Variants in TTN observed in about 807,000 individuals in gnomAD.
TTN encodes the protein connectin.
Under a neutral mutation model 3,223.0 loss-of-function variants are expected in TTN, and 1,525 were observed. That is an observed-to-expected ratio of 0.47 (90% CI 0.45 to 0.49). The LOEUF is 0.49. Among genes scored for constraint, TTN ranks in the 20% least tolerant of loss-of-function variants. The pLI is 0.00. For missense variants in TTN, 40,786 were observed against 43,424.0 expected (o/e 0.94, Z 5.40); for synonymous variants, 14,094 against 15,161.0 (o/e 0.93, Z 5.17).
chr2:178,722,308 A>G lies in TTN; in HGVS notation c.22479T>C (p.Ala7493=). Residue 7493 remains alanine (A), a synonymous_variant, in exon 77 of 363, where the codon GCT becomes GCC. Transcript: ENST00000589042. Reference sequence around the variant, plus strand: ...AAGATGCTGTTCCAAGTGGGTTGGAAGCTGAGCAAGAGTACTGGCCAGAGT... The same window carrying G: ...AAGATGCTGTTCCAAGTGGGTTGGAGGCTGAGCAAGAGTACTGGCCAGAGT... ...LSHSGQYSCS[A]SNPLGTASSS... is the part of the protein sequence containing the mutation. The G allele has an allele frequency of 6.2e-7, 1 of 1,611,304 alleles. No individual in the cohort carries two copies. The highest frequency in any genetic ancestry group is 1.1e-5 in the South Asian group (1 of 90,646).
chr2:178,751,311 C>G, intron 47 of TTN: 1 of 1,610,622 alleles, frequency 6.2e-7, no homozygotes, highest in Non-Finnish European at 8.5e-7. Flanking sequence ...ACTTTGGTCT[C>G]CTTGTCCAGG....
chr2:178,712,126 C>A lies in TTN; in HGVS notation c.27704G>T (p.Gly9235Val). 6.2e-7 allele frequency: 1 copy of A among 1,613,648 alleles called. No individual in the cohort carries two copies. The highest frequency in any genetic ancestry group is 1.3e-5 in the African/African-American group (1 of 74,986). The change falls in exon 96 of 363, where the codon GGG becomes GTG. Residue 9235 changes from glycine (G) to valine (V), a missense_variant. Physicochemically the swap from Gly to Val is moderately radical, Grantham distance 109. Coordinates refer to ENST00000589042, the MANE Select transcript of TTN (RefSeq NM_001267550.2). ...QCQLAGTPEI[G>V]VSWYKGDTKL... is the part of the protein sequence containing the mutation. Reference sequence around the variant, plus strand: ...TGTATCTCCTTTATACCAGGATACCCCAATTTCAGGGGTTCCAGCAAGCTG... The same window carrying A: ...TGTATCTCCTTTATACCAGGATACCACAATTTCAGGGGTTCCAGCAAGCTG...
chr2:178,593,418 A>G lies in TTN; in HGVS notation c.58790T>C (p.Leu19597Ser), dbSNP rs777654240. The G allele has an allele frequency of 6.2e-7, 1 of 1,613,314 alleles. No homozygotes were observed. Among genetic ancestry groups the G allele is most frequent in the South Asian group, 1.1e-5 (1 of 91,048 alleles). ...IVTEVTKDSA[L>S]VTWNKPHDGG... Reference sequence around the variant, plus strand: ...ATCATGTGGCTTATTCCAGGTTACTAATGCAGAGTCTTTGGTAACTTCTGT... The same window carrying G: ...ATCATGTGGCTTATTCCAGGTTACTGATGCAGAGTCTTTGGTAACTTCTGT... The change falls in exon 299 of 363, where the codon TTA becomes TCA. Residue 19597 changes from leucine to serine, a missense_variant. Leu to Ser is a moderately radical substitution (Grantham distance 145). Transcript: ENST00000589042.
At position 178,684,702 on chromosome 2, in the gene TTN, T is replaced by C. The variant is rs539699869; in HGVS notation, c.32602A>G (p.Lys10868Glu). Residue 10868 changes from lysine (K) to glutamate (E), a missense_variant, in exon 131 of 363, where the codon AAA (lysine) becomes GAA (glutamate). Transcript: ENST00000589042. ...KPVPEKKVPP[K>E]VIKMEEPLPA... ...AGAGGTTCTTCCATCTTAATGACTT[T>C]TGGAGGAACCTTTTTTTCTGGAACT... 8.1e-6 allele frequency: 13 copies of C among 1,613,498 alleles called. No individual in the cohort carries two copies. The highest frequency in any genetic ancestry group is 1.7e-5 in the Admixed American group (1 of 59,956).
chr2:178,783,001 A>G lies in TTN; in HGVS notation c.2905T>C (p.Tyr969His), dbSNP rs746986462. The G allele has an allele frequency of 1.2e-6, 2 of 1,614,184 alleles. No homozygotes were observed. The highest frequency in any genetic ancestry group is 1.7e-5 in the Admixed American group (1 of 60,030). ...TACCATGTCACTGTCGGGGATGGGT[A>G]TCCAGAGATGTGGCACTCCAAGGTG... ...SVTLECHISG[Y>H]PSPTVTWYRE... The change falls in exon 18 of 363, where the codon TAC (tyrosine) becomes CAC (histidine). Residue 969 changes from tyrosine to histidine, a missense_variant. Coordinates refer to ENST00000589042, the MANE Select transcript of TTN (RefSeq NM_001267550.2).
Position 178,768,042 on chromosome 2 carries a change from C to T in TTN, c.9277G>A (p.Asp3093Asn), listed in dbSNP as rs377376861. The change falls in exon 39 of 363, where the codon GAT (aspartate) becomes AAT (asparagine). Residue 3093 changes from aspartate (D) to asparagine (N), a missense_variant. Coordinates refer to ENST00000589042, the MANE Select transcript of TTN (RefSeq NM_001267550.2). ...TCTGTGATCTGCAGTTCCTGGTCAT[C>T]TTTCATCCACTGTACAGTGATGTCA... is the stretch of plus-strand genomic sequence containing the variant. ...EPDITVQWMK[D>N]DQELQITDRI... 3.1e-6 allele frequency: 5 copies of T among 1,614,022 alleles called. No homozygotes were observed. The highest frequency in any genetic ancestry group is 2.2e-5 in the South Asian group (2 of 91,084).
At position 178,588,113 on chromosome 2, in the gene TTN, T is replaced by C; in HGVS notation, c.63294A>G (p.Gly21098=). 1 of 1,612,922 alleles carries C rather than the reference T, an allele frequency of 6.2e-7. No individual in the cohort carries two copies. Among genetic ancestry groups the C allele is most frequent in the Non-Finnish European group, 8.5e-7 (1 of 1,179,324 alleles). Residue 21098 remains glycine, a synonymous_variant, in exon 305 of 363, where the codon GGA becomes GGG. Coordinates refer to ENST00000589042, the MANE Select transcript of TTN (RefSeq NM_001267550.2). ...PVYDGGAPII[G]YVVEMRPKIA... ...TTTTTGGTCTCATTTCCACAACATA[T>C]CCAATGATCGGTGCACCACCATCAT...
chr2:178,716,970 C>T, intron 88 of TTN, 125 bp downstream of exon 88: 1 of 1,090,820 alleles, frequency 9.2e-7, no homozygotes, highest in Non-Finnish European at 1.2e-6. Context: ...CCTTGATCCA[C>T]TTGATCCATT....
intron 231 of TTN, 52 bp downstream of exon 231, chr2:178,633,765 C>T (rs1559966964): frequency 6.2e-7 from 1 of 1,607,218 alleles, no homozygotes; most frequent in East Asian, 2.2e-5. Context: ...TTATTACTCC[C>T]CACTCCCATG....
rs2092233040 is a variant in TTN, at chr2:178,776,420, C to A, written c.5444G>T (p.Arg1815Ile). 7 of 1,610,962 alleles carry A rather than the reference C, an allele frequency of 4.3e-6. No homozygotes were observed. The East Asian group carries it at 1.6e-4, about 36-fold the overall frequency. The change falls in exon 28 of 363, where the codon AGA (arginine) becomes ATA (isoleucine). Residue 1815 changes from arginine (R) to isoleucine (I), a missense_variant. By Grantham distance (97) the Arg-to-Ile change is moderately conservative (BLOSUM62 -3). Coordinates refer to ENST00000589042, the MANE Select transcript of TTN (RefSeq NM_001267550.2). ...QLPEGRKGLQRIEELERMAHE... is the reference protein window; with the variant it reads ...QLPEGRKGLQIIEELERMAHE... Reference sequence around the variant, plus strand: ...AGCCATTCTCTCTAATTCTTCAATTCTCTGTAAGCCTTTCCTCCCCTCAGG... The same window carrying A: ...AGCCATTCTCTCTAATTCTTCAATTATCTGTAAGCCTTTCCTCCCCTCAGG...
At chr2:178,751,397 G>A (rs2085463077) in intron 47 of TTN, 3 of 1,608,100 alleles carry the variant, frequency 1.9e-6, no homozygotes, top group Non-Finnish European at 2.5e-6. Context: ...CATGTAATCT[G>A]TTTTCTTGGC....
chr2:178,609,361 G>A lies in TTN; in HGVS notation c.51949C>T (p.Pro17317Ser). The change falls in exon 273 of 363, where the codon CCT becomes TCT. Residue 17317 changes from proline to serine, a missense_variant. Pro to Ser is a moderately conservative substitution (Grantham distance 74, BLOSUM62 -1). Transcript: ENST00000589042. ...EVQEEEPFVL[P>S]LTQRLSIDNS... ...TCAATACTCAAACGCTGTGTCAGAG[G>A]CAGGACAAATGGTTCTTCTTCTTGA... 1 of 1,612,242 alleles carries A rather than the reference G, an allele frequency of 6.2e-7. No individual in the cohort carries two copies. Among genetic ancestry groups the A allele is most frequent in the Non-Finnish European group, 8.5e-7 (1 of 1,178,994 alleles).
intron 117 of TTN, 174 bp downstream of exon 117, chr2:178,694,425 A>C (rs1329918395): frequency 3.9e-6 from 2 of 510,620 alleles, no homozygotes; most frequent in Non-Finnish European, 7.0e-6. Flanking sequence ...AAAGTAGATA[A>C]TGTTACTATT....
At chr2:178,737,127 G>GGGAA (rs932146225) in intron 49 of TTN, among the ~76,000 whole-genome samples, 5 of 151,752 alleles carry the variant, frequency 3.3e-5, no homozygotes, top group Non-Finnish European at 5.9e-5. Flanking sequence ...GAGGGAAGGA[G>GGGAA]GGAAGGAAGG....
Position 178,740,552 on chromosome 2 carries a change from G to C in TTN, c.12681C>G (p.Thr4227=). 1 of 1,613,812 alleles carries C rather than the reference G, an allele frequency of 6.2e-7. No individual in the cohort carries two copies. Among genetic ancestry groups the C allele is most frequent in the Non-Finnish European group, 8.5e-7 (1 of 1,179,814 alleles). ...GTGAAAGTACTTCCTCAGCCACAGAGGTTAGATAAGAATGCATTGGAGGTT... is the reference window on the plus strand; with the variant it reads ...GTGAAAGTACTTCCTCAGCCACAGACGTTAGATAAGAATGCATTGGAGGTT... ...SIEPPMHSYL[T]SVAEEVLSPK... The change falls in exon 48 of 363, where the codon ACC becomes ACG. Residue 4227 remains threonine (T), a synonymous_variant. Transcript: ENST00000589042.
rs1290459779 is a variant in TTN, at chr2:178,575,796, C to T, written c.70336G>A (p.Asp23446Asn). Residue 23446 changes from aspartate to asparagine, a missense_variant, in exon 326 of 363, where the codon GAC (aspartate) becomes AAC (asparagine). Transcript: ENST00000589042. This position sits in a 1 kb window ranked among gnomAD's most constrained non-coding sequence, Gnocchi z 4.0. ...AGGGTGACACTGTCCTTTGTGATGT[C>T]TGTAGGCCGCAGGTTGAGGACTGGG... The part of the protein sequence containing the change: ...PGPVLNLRPT[D>N]ITKDSVTLHW... 6.2e-7 allele frequency: 1 copy of T among 1,613,108 alleles called. No homozygotes were observed.
At position 178,539,536 on chromosome 2, in the gene TTN, C is replaced by A; in HGVS notation, c.98529G>T (p.Trp32843Cys). ...LERREVPKAAWYTIDSRVRGT... is the reference protein window; with the variant it reads ...LERREVPKAACYTIDSRVRGT... ...CTCGGACTCTGGAATCAATGGTATA[C>A]CAGGCGGCTTTAGGCACTTCTCGTC... The change falls in exon 352 of 363, where the codon TGG becomes TGT. Residue 32843 changes from tryptophan to cysteine, a missense_variant. Coordinates refer to ENST00000589042, the MANE Select transcript of TTN (RefSeq NM_001267550.2). 6.2e-7 allele frequency: 1 copy of A among 1,613,760 alleles called. No homozygotes were observed. The highest frequency in any genetic ancestry group is 2.2e-5 in the East Asian group (1 of 44,860).
chr2:178,701,698 G>T, intron 109 of TTN, 111 bp from the exon 110 acceptor site: 1 of 1,071,278 alleles, frequency 9.3e-7, no homozygotes, highest in Non-Finnish European at 1.4e-6. Context: ...ATATCTAATG[G>T]CAGAATCTAA....
At chr2:178,679,558 G>A in intron 141 of TTN, 41 bp downstream of exon 141, 11 of 1,594,560 alleles carry the variant, frequency 6.9e-6, no homozygotes, top group Non-Finnish European at 9.4e-6. Context: ...TTTCTAGGCA[G>A]ATGAAGTCTC....
Sources: allele counts gnomAD v4.1 joint callset (sites outside exome capture counted in the v4.1 genomes callset), GRCh38; gene constraint gnomAD v4.1.1; non-coding constraint Gnocchi (gnomAD v3.1); transcripts MANE v1.5; gene names NCBI Gene and HGNC (gene_info 2026-07-23, HGNC 2026-07-21).